TMCO1: variants seen among roughly 807,000 people sequenced by gnomAD.
The protein encoded by TMCO1 is calcium load-activated calcium channel.
Under a neutral mutation model 29.3 loss-of-function variants are expected in TMCO1, and 29 were observed. The ratio of observed to expected loss-of-function variants is 0.99; its 90% CI spans 0.74 to 1.35. The LOEUF (loss-of-function observed/expected upper bound fraction) is 1.35. TMCO1 is among the 40% of genes most tolerant of loss of function. The probability of loss-of-function intolerance (pLI) is 0.00; values close to 1 mark genes in which losing one functional copy is unlikely to be tolerated. For missense variants in TMCO1, 173 were observed against 225.5 expected (o/e 0.77, Z 1.49); for synonymous variants, 80 against 77.1 (o/e 1.04, Z -0.20).
intron 3 of TMCO1, among the ~76,000 whole-genome samples, chr1:165,755,178 C>A (rs1299071770): frequency 6.6e-6 from 1 of 151,950 alleles, no homozygotes; most frequent in Non-Finnish European, 1.5e-5. Context: ...AATTAAAATT[C>A]AGAAAAGGAA....
At chr1:165,751,931 A>C (rs1652005635) in intron 5 of TMCO1, among the ~76,000 whole-genome samples, 171 bp downstream of exon 5, 1 of 152,166 alleles carries the variant, frequency 6.6e-6, no homozygotes, top group South Asian at 2.1e-4. Flanking sequence ...AAAGAAGTGA[A>C]GCAAAACATT....
At chr1:165,761,625 G>A (rs1652408560) in intron 2 of TMCO1, among the ~76,000 whole-genome samples, 1 of 152,028 alleles carries the variant, frequency 6.6e-6, no homozygotes, top group Non-Finnish European at 1.5e-5. Context: ...AAAGAAAAAT[G>A]TCAAATTTCA....
chr1:165,738,805 T>C (rs1400377931), intron 6 of TMCO1, among the ~76,000 whole-genome samples: 1 of 152,208 alleles, frequency 6.6e-6, no homozygotes, highest in Non-Finnish European at 1.5e-5. Context: ...AAGATGACTA[T>C]CACTGAGGAT....
chr1:165,758,913 T>TA (rs1652297661), intron 3 of TMCO1, among the ~76,000 whole-genome samples: 2 of 152,210 alleles, frequency 1.3e-5, no homozygotes, highest in Admixed American at 1.3e-4. Flanking sequence ...ACACAGTTTC[T>TA]AAAACAAATA....
intron 2 of TMCO1, among the ~76,000 whole-genome samples, chr1:165,762,606 T>C (rs554807575): frequency 1.3e-5 from 2 of 152,288 alleles, no homozygotes; most frequent in African/African-American, 4.8e-5. Context: ...GGATATTTAT[T>C]CATCAGAATC....
chr1:165,761,806 G>A (rs976251470), intron 2 of TMCO1, among the ~76,000 whole-genome samples: 2 of 151,430 alleles, frequency 1.3e-5, no homozygotes, highest in African/African-American at 4.9e-5. Flanking sequence ...AAAATCAGCC[G>A]GCCATGGTGG....
At chr1:165,756,849 A>AATATAGTATATATATTTGTAT (rs1558040429) in intron 3 of TMCO1, among the ~76,000 whole-genome samples, 2 of 150,680 alleles carry the variant, frequency 1.3e-5, no homozygotes, top group Non-Finnish European at 3.0e-5. Flanking sequence ...TATATATACA[A>AATATAGTATATATATTTGTAT]ATATAGTATA....
chr1:165,747,501 G>A (rs1651845026), intron 5 of TMCO1, among the ~76,000 whole-genome samples: 2 of 152,126 alleles, frequency 1.3e-5, no homozygotes, highest in South Asian at 4.1e-4. Context: ...ACTCAGAAGG[G>A]ATTATTTTAG....
chr1:165,763,631 TGTTA>T (rs1652473115), intron 2 of TMCO1, among the ~76,000 whole-genome samples: 2 of 152,232 alleles, frequency 1.3e-5, no homozygotes, highest in Admixed American at 1.3e-4. Flanking sequence ...GTTTCATTTT[TGTTA>T]GAGATTGGGT....
chr1:165,727,506 A>G lies in TMCO1; in HGVS notation c.*517T>C, dbSNP rs1650949952. On this transcript the variant is annotated 3_prime_UTR_variant, in exon 7 of 7. Coordinates refer to ENST00000367881, the MANE Select transcript of TMCO1 (RefSeq NM_019026.6). ...CCCATGCTAAAACTTATATCTAGAA[A>G]TACGGCAAAACAAAATGAAACAGAT... is the stretch of plus-strand genomic sequence containing the variant. The G allele has an allele frequency of 2.2e-6, 1 of 453,894 alleles. No individual in the cohort carries two copies. The allele number at this position is 453,894 out of a possible 1,614,324, so 28.1% of individuals were successfully genotyped here. A position where few individuals can be genotyped will look rare whatever the true frequency, so the allele number is the denominator to read the frequency against.
intron 6 of TMCO1, among the ~76,000 whole-genome samples, chr1:165,733,172 T>G (rs1324832846): frequency 1.3e-5 from 2 of 152,190 alleles, no homozygotes; most frequent in South Asian, 2.1e-4. Context: ...AAATACTCAC[T>G]GAATACCACA....
Position 165,754,469 on chromosome 1 carries a change from T to G in TMCO1, c.209-195A>C, listed in dbSNP as rs192212267. Among the ~76,000 whole-genome samples, 277 of 152,312 alleles carry G rather than the reference T, an allele frequency of 1.8e-3. 1 individual carries two copies. The highest frequency in any genetic ancestry group is 3.4e-3 in the Middle Eastern group (1 of 294). ...CAGCAGAGCACCAAAATATTTCAAT[T>G]TAAATAAATAAATCTTTAGTGTTTT... On this transcript the variant is annotated intron_variant, in intron 3 of 6. Transcript: ENST00000367881.
At position 165,754,297 on chromosome 1, in the gene TMCO1, T is replaced by A. The variant is rs375024676; in HGVS notation, c.209-23A>T. On this transcript the variant is annotated intron_variant, in intron 3 of 6. Transcript: ENST00000367881. ...TCTCTGCAAAGAATTAATGAGATGG[T>A]TAATACATACAATGCTGAGCACAAA... is the stretch of plus-strand genomic sequence containing the variant. 1.2e-5 allele frequency: 19 copies of A among 1,587,818 alleles called. No homozygotes were observed. In the African/African-American group the frequency reaches 2.3e-4, roughly 19 times the overall value.
intron 5 of TMCO1, among the ~76,000 whole-genome samples, chr1:165,744,687 G>A (rs1349713736): frequency 6.6e-6 from 1 of 151,670 alleles, no homozygotes; most frequent in South Asian, 2.1e-4. Context: ...CTACTCAGGA[G>A]GCTGAGGCAG....
chr1:165,739,212 G>A (rs923245810), intron 6 of TMCO1, among the ~76,000 whole-genome samples: 1 of 151,956 alleles, frequency 6.6e-6, no homozygotes, highest in Non-Finnish European at 1.5e-5. Flanking sequence ...AGCATATACC[G>A]TACACTTCAG....
intron 2 of TMCO1, among the ~76,000 whole-genome samples, chr1:165,766,636 C>T (rs992037472): frequency 2.0e-5 from 3 of 152,002 alleles, no homozygotes; most frequent in Non-Finnish European, 4.4e-5. Context: ...AAATATCAGC[C>T]AGTCATGGTG....
chr1:165,732,505 C>CTATATA (rs66588679), intron 6 of TMCO1, among the ~76,000 whole-genome samples: 3 of 133,816 alleles, frequency 2.2e-5, no homozygotes, highest in African/African-American at 5.7e-5. Flanking sequence ...CTCTCTCTCT[C>CTATATA]TATATATATA....
intron 2 of TMCO1, among the ~76,000 whole-genome samples, chr1:165,763,663 G>A (rs1295696514): frequency 1.3e-5 from 2 of 152,132 alleles, no homozygotes; most frequent in Non-Finnish European, 2.9e-5. Context: ...CTGTCACCTA[G>A]GCTGGAATGC....
downstream of TMCO1, chr1:165,725,017 T>TA (rs1470642206): frequency 5.9e-6 from 1 of 168,404 alleles, no homozygotes; most frequent in Admixed American, 7.3e-5. Context: ...TCTCTCTCTC[T>TA]CTCTCTCTAT....
Sources: gnomAD v4.1 joint callset for allele counts (sites outside exome capture counted in the v4.1 genomes callset) on GRCh38, gnomAD v4.1.1 for gene constraint, MANE v1.5 for transcripts, NCBI Gene and HGNC (gene_info 2026-07-23, HGNC 2026-07-21) for gene names.